PCDH7: variants seen among roughly 807,000 people sequenced by gnomAD.
The protein encoded by PCDH7 is protocadherin-7.
In PCDH7, 17 loss-of-function variants were observed where a neutral mutation model predicts 58.9. That is an observed-to-expected ratio of 0.29 (90% CI 0.20 to 0.43). The LOEUF (loss-of-function observed/expected upper bound fraction) is 0.43, where lower values mean the gene tolerates loss of function less well. PCDH7 is among the 20% of genes least tolerant of loss of function. The probability of loss-of-function intolerance (pLI) is 1.00; values close to 1 mark genes in which losing one functional copy is unlikely to be tolerated. For missense variants in PCDH7, 1,274 were observed against 1,441.0 expected (o/e 0.88, Z 1.88); for synonymous variants, 664 against 616.4 (o/e 1.08, Z -1.14).
intron 3 of PCDH7, among the ~76,000 whole-genome samples, chr4:31,047,041 A>T (rs759333299): frequency 5.3e-5 from 8 of 152,032 alleles, no homozygotes; most frequent in Non-Finnish European, 1.2e-4. Context: ...GATAGATTTG[A>T]GTAGTTAAGT....
chr4:30,846,638 T>G lies in PCDH7; in HGVS notation c.71-73515T>G, dbSNP rs975785456. 2.6e-5 allele frequency among the ~76,000 whole-genome samples: 4 copies of G among 152,292 alleles called. No homozygotes were observed. The East Asian group carries it at 7.7e-4, about 29-fold the overall frequency. The stretch of plus-strand genomic sequence containing the variant: ...GTGTCTACTTATTAGGTTCCAATAG[T>G]GCCACCCAAGTTGTGAGGATCAAAA... On this transcript the variant is annotated intron_variant, in intron 1 of 3. Coordinates refer to the PCDH7 transcript ENST00000509759.
chr4:31,097,629 T>TAA (rs1560221884), intron 3 of PCDH7, among the ~76,000 whole-genome samples: 16 of 41,388 alleles, frequency 3.9e-4, no homozygotes, highest in Admixed American at 1.3e-3. Flanking sequence ...TATATATATA[T>TAA]ATATATATAA....
chr4:31,007,487 T>A lies in PCDH7; in HGVS notation c.*7+57272T>A, dbSNP rs138762508. On this transcript the variant is annotated intron_variant, in intron 3 of 3. Transcript: ENST00000509759. ...TAGCATAAAAGAATACATTATACAA[T>A]TTTAGTATAAAATAACTTATGTCCA... is the stretch of plus-strand genomic sequence containing the variant. 3.1e-3 allele frequency among the ~76,000 whole-genome samples: 475 copies of A among 152,260 alleles called. 3 individuals carry two copies. Among genetic ancestry groups the A allele is most frequent in the African/African-American group, 9.1e-3 (378 of 41,552 alleles).
In PCDH7 at chr4:30,723,996, C is replaced by T. The variant is rs1254541814; in HGVS notation, c.2574C>T (p.His858=). The T allele has an allele frequency of 1.9e-6, 3 of 1,614,184 alleles. No homozygotes were observed. Among genetic ancestry groups the T allele is most frequent in the South Asian group, 1.1e-5 (1 of 91,080 alleles). ...ACTCCCAGATAGCTAGAAGTTTGCA[C>T]ATCCCACTCACCCAGGATATAGCTG... Residue 858 remains histidine (H), a synonymous_variant, in exon 1 of 2, where the codon CAC becomes CAT. Transcript: ENST00000361762. This position sits in a 1 kb window ranked among gnomAD's most constrained non-coding sequence, Gnocchi z 4.6.
chr4:30,772,222 C>T (rs1333745913), intron 1 of PCDH7, among the ~76,000 whole-genome samples: 2 of 152,228 alleles, frequency 1.3e-5, no homozygotes, highest in East Asian at 3.9e-4. Context: ...GTATAACCAA[C>T]CTGAAACATG....
chr4:31,014,224 G>A (rs1021420783), intron 3 of PCDH7, among the ~76,000 whole-genome samples: 17 of 151,990 alleles, frequency 1.1e-4, no homozygotes, highest in African/African-American at 3.6e-4. Context: ...AAAAAATAGC[G>A]TAATTATAAA....
chr4:31,039,735 G>A (rs773972289), intron 3 of PCDH7, among the ~76,000 whole-genome samples: 1 of 152,082 alleles, frequency 6.6e-6, no homozygotes, highest in Non-Finnish European at 1.5e-5. Flanking sequence ...TTTTCTAACT[G>A]TTTTGCTGGT....
intron 3 of PCDH7, among the ~76,000 whole-genome samples, chr4:31,077,468 G>C (rs1254714626): frequency 6.6e-6 from 1 of 151,322 alleles, no homozygotes; most frequent in Non-Finnish European, 1.5e-5. Flanking sequence ...TTTTCCAAAA[G>C]GACATTAAAT....
chr4:31,080,654 G>A (rs1759425671), intron 3 of PCDH7, among the ~76,000 whole-genome samples: 1 of 152,218 alleles, frequency 6.6e-6, no homozygotes, highest in Non-Finnish European at 1.5e-5. Flanking sequence ...AACATCTATA[G>A]CACAGTTTGT....
In PCDH7 at chr4:30,750,753, CA is replaced by C. The variant is rs1368832909; in HGVS notation, c.70+26163del. 2.0e-5 allele frequency among the ~76,000 whole-genome samples: 3 copies of C among 151,926 alleles called. No homozygotes were observed. The East Asian group carries it at 5.8e-4, about 29-fold the overall frequency. ...GGTACTGGCCCATGTACCGAGAATA[CA>C]AAAAATGGTTATGAATGGTGCCCAC... is the stretch of plus-strand genomic sequence containing the variant. On this transcript the variant is annotated intron_variant, in intron 1 of 3. Coordinates refer to the PCDH7 transcript ENST00000509759.
At chr4:30,787,251 A>C (rs776244249) in intron 1 of PCDH7, among the ~76,000 whole-genome samples, 3 of 152,062 alleles carry the variant, frequency 2.0e-5, no homozygotes, top group Non-Finnish European at 4.4e-5. Context: ...TGTTTGAACT[A>C]ATTGGATGCA....
At chr4:31,049,677 C>T (rs1372953793) in intron 3 of PCDH7, among the ~76,000 whole-genome samples, 1 of 152,086 alleles carries the variant, frequency 6.6e-6, no homozygotes, top group Non-Finnish European at 1.5e-5. Flanking sequence ...CAGACGCCTT[C>T]ATCAGGGCCC....
chr4:30,751,673 A>T (rs1013643446), intron 1 of PCDH7, among the ~76,000 whole-genome samples: 1 of 152,122 alleles, frequency 6.6e-6, no homozygotes, highest in Non-Finnish European at 1.5e-5. Context: ...TGTGACCTCC[A>T]CAGAGCTAGG....
At chr4:30,876,447 G>T (rs1736298380) in intron 1 of PCDH7, among the ~76,000 whole-genome samples, 1 of 152,008 alleles carries the variant, frequency 6.6e-6, no homozygotes, top group African/African-American at 2.4e-5. Flanking sequence ...GATATTGGTA[G>T]TAAAAAACAA....
chr4:30,798,991 T>A (rs753760376), intron 1 of PCDH7, among the ~76,000 whole-genome samples: 10 of 152,214 alleles, frequency 6.6e-5, no homozygotes, highest in Non-Finnish European at 1.3e-4. Context: ...TGTTTTCTTT[T>A]GAAAAAAATA....
intron 1 of PCDH7, among the ~76,000 whole-genome samples, chr4:30,805,181 C>T (rs974452544): frequency 5.9e-5 from 9 of 152,102 alleles, no homozygotes; most frequent in African/African-American, 2.2e-4. Context: ...CTTATAGTGC[C>T]CCCAGGATTT....
chr4:31,141,226 G>C (rs1402550887), intron 3 of PCDH7, among the ~76,000 whole-genome samples: 1 of 152,162 alleles, frequency 6.6e-6, no homozygotes, highest in African/African-American at 2.4e-5. Flanking sequence ...TATTTTAAAC[G>C]AATCTACTAG....
At chr4:30,990,212 A>G (rs1013104314) in intron 3 of PCDH7, among the ~76,000 whole-genome samples, 12 of 152,028 alleles carry the variant, frequency 7.9e-5, no homozygotes, top group Non-Finnish European at 1.5e-4. Context: ...AAAGAGGAAA[A>G]AAAAACATGC....
downstream of PCDH7, among the ~76,000 whole-genome samples, chr4:30,734,360 G>A (rs142549466): frequency 4.8e-3 from 736 of 151,848 alleles, 10 homozygotes; most frequent in African/African-American, 0.017. Context: ...AGCCTCCCAA[G>A]TAGCTGTGAT....
Sources: gnomAD v4.1 joint callset for allele counts (sites outside exome capture counted in the v4.1 genomes callset) on GRCh38, gnomAD v4.1.1 for gene constraint, Gnocchi (gnomAD v3.1) non-coding constraint, MANE v1.5 for transcripts, NCBI Gene and HGNC (gene_info 2026-07-23, HGNC 2026-07-21) for gene names.